The following CUL3 variants were observed in gnomAD, a reference collection of about 807,000 sequenced individuals.
The protein encoded by CUL3 is cullin-3.
In CUL3, 19 loss-of-function variants were observed where a neutral mutation model predicts 89.1. The ratio of observed to expected loss-of-function variants is 0.21; its 90% CI spans 0.15 to 0.31. The LOEUF (loss-of-function observed/expected upper bound fraction) is 0.31. CUL3 is among the 10% of genes least tolerant of loss of function. The pLI is 1.00. For synonymous variants in CUL3, 351 were observed against 308.4 expected (o/e 1.14, Z -1.45); for missense variants, 469 against 942.3 (o/e 0.50, Z 6.58).
intron 15 of CUL3, among the ~76,000 whole-genome samples, chr2:224,474,783 C>G (rs1202588998): frequency 6.6e-6 from 1 of 152,196 alleles, no homozygotes; most frequent in Non-Finnish European, 1.5e-5. Flanking sequence ...TCTACCACTA[C>G]TAGCTCTGGG....
At position 224,546,422 on chromosome 2, in the gene CUL3, T is replaced by A. The variant is rs1694301223; in HGVS notation, c.265-10781A>T. The stretch of plus-strand genomic sequence containing the variant: ...TTAAATGGTTGTCAGATTTAGTAAT[T>A]AACTCGAGTAGGGAGAGGTATTACC... On this transcript the variant is annotated intron_variant, in intron 2 of 15. Coordinates refer to ENST00000264414, the MANE Select transcript of CUL3 (RefSeq NM_003590.5). Among the ~76,000 whole-genome samples, 2 of 152,018 alleles carry A rather than the reference T, an allele frequency of 1.3e-5. 1 individual carries two copies. Among genetic ancestry groups the A allele is most frequent in the African/African-American group, 4.8e-5 (2 of 41,386 alleles).
rs1440833244 is a variant in CUL3 at position 224,471,662 on chromosome 2, C to T, written c.*2583G>A. ...CCCATTCCCTTTTTAAGTTCACTGACATAAAGAATCCTTGCAATCACAACC... is the reference window on the plus strand; with the variant it reads ...CCCATTCCCTTTTTAAGTTCACTGATATAAAGAATCCTTGCAATCACAACC... On this transcript the variant is annotated 3_prime_UTR_variant, in exon 16 of 16. Transcript: ENST00000264414. 1 of 216,714 alleles carries T rather than the reference C, an allele frequency of 4.6e-6. No homozygotes were observed. The highest frequency in any genetic ancestry group is 9.3e-6 in the Non-Finnish European group (1 of 107,686). The allele number at this position is 216,714 out of a possible 1,614,324, so 13.4% of individuals were successfully genotyped here.
intron 2 of CUL3, among the ~76,000 whole-genome samples, chr2:224,554,148 C>T (rs1694617968): frequency 6.6e-6 from 1 of 152,070 alleles, no homozygotes; most frequent in African/African-American, 2.4e-5. Flanking sequence ...TTTTCTGCAC[C>T]TGTGCCCAAG....
intron 1 of CUL3, among the ~76,000 whole-genome samples, chr2:224,566,053 G>A (rs921484356): frequency 6.6e-6 from 1 of 152,120 alleles, no homozygotes; most frequent in Non-Finnish European, 1.5e-5. Context: ...GAGCCTTAAA[G>A]GTCCTTATTG....
At chr2:224,570,622 C>CA (rs1214082872) in intron 1 of CUL3, among the ~76,000 whole-genome samples, 1 of 150,508 alleles carries the variant, frequency 6.6e-6, no homozygotes. Flanking sequence ...GGAGTGCTGC[C>CA]AAAAAAAGAG....
intron 13 of CUL3, chr2:224,495,420 A>C (rs1692136365): frequency 6.5e-6 from 1 of 153,736 alleles, no homozygotes; most frequent in Admixed American, 6.5e-5. Context: ...GTCTAAAAAA[A>C]AACAAAACTA....
intron 1 of CUL3, among the ~76,000 whole-genome samples, chr2:224,561,753 T>C (rs1430420350): frequency 6.6e-6 from 1 of 152,168 alleles, no homozygotes; most frequent in Non-Finnish European, 1.5e-5. Context: ...CGGCTAACTT[T>C]TCACAAACAG....
At chr2:224,534,779 G>A (rs1314765150) in intron 3 of CUL3, among the ~76,000 whole-genome samples, 1 of 151,902 alleles carries the variant, frequency 6.6e-6, no homozygotes, top group Non-Finnish European at 1.5e-5. Flanking sequence ...TCAGGAGATA[G>A]AGACCATCCT....
intron 2 of CUL3, among the ~76,000 whole-genome samples, chr2:224,550,365 T>C (rs1184227752): frequency 1.3e-5 from 2 of 152,232 alleles, no homozygotes; most frequent in Non-Finnish European, 2.9e-5. Flanking sequence ...AGATAAGCTG[T>C]GGAATTTTCC....
intron 2 of CUL3, among the ~76,000 whole-genome samples, chr2:224,536,892 G>T (rs961249099): frequency 6.6e-6 from 1 of 152,150 alleles, no homozygotes; most frequent in African/African-American, 2.4e-5. Flanking sequence ...TTGTCTCCAA[G>T]TTCCTGTAAC....
intron 1 of CUL3, chr2:224,560,407 C>T (rs192261284): frequency 6.6e-6 from 1 of 152,482 alleles, no homozygotes; most frequent in Non-Finnish European, 1.5e-5. Context: ...TCAATGTTTC[C>T]ACTTTAATGC....
chr2:224,472,214 T>C lies in CUL3; in HGVS notation c.*2031A>G, dbSNP rs1042791188. The C allele has an allele frequency of 9.0e-6, 2 of 222,978 alleles. No homozygotes were observed. Among genetic ancestry groups the C allele is most frequent in the African/African-American group, 2.2e-5 (1 of 44,794 alleles). 13.8% of individuals were successfully genotyped at this position (222,978 alleles called of 1,614,324 possible). On this transcript the variant is annotated 3_prime_UTR_variant, in exon 16 of 16. Coordinates refer to ENST00000264414, the MANE Select transcript of CUL3 (RefSeq NM_003590.5). ...AGTTAACAAGTATGTCTCTAAACTC[T>C]AGATCTGATTTTTACAGCCACACTT...
intron 2 of CUL3, among the ~76,000 whole-genome samples, chr2:224,551,459 C>A (rs1482993413): frequency 1.3e-5 from 2 of 152,020 alleles, no homozygotes; most frequent in African/African-American, 4.8e-5. Flanking sequence ...CCCACCTGGG[C>A]CTCCCAAAGT....
chr2:224,573,019 C>T (rs1010286111), intron 1 of CUL3, among the ~76,000 whole-genome samples: 4 of 152,204 alleles, frequency 2.6e-5, no homozygotes, highest in African/African-American at 9.6e-5. Context: ...AATTAAAATA[C>T]TAACACAAGA....
chr2:224,547,309 T>C (rs1015398856), intron 2 of CUL3, among the ~76,000 whole-genome samples: 7 of 152,176 alleles, frequency 4.6e-5, no homozygotes, highest in African/African-American at 1.7e-4. Flanking sequence ...GATGCTTTTG[T>C]TCATCCTTAT....
At position 224,481,955 on chromosome 2, in the gene CUL3, C is replaced by A. The variant is rs746745736; in HGVS notation, c.1966G>T (p.Gly656Cys). The A allele has an allele frequency of 1.2e-6, 2 of 1,604,916 alleles. No homozygotes were observed. The highest frequency in any genetic ancestry group is 1.1e-5 in the South Asian group (1 of 88,292). Reference sequence around the variant, plus strand: ...TGATCATTAACTGTAAATATATGACCATTTTCTATTTCCTTTGATTTGGGT... The same window carrying A: ...TGATCATTAACTGTAAATATATGACAATTTTCTATTTCCTTTGATTTGGGT... ...KEPKSKEIEN[G>C]HIFTVNDQFT... Residue 656 changes from glycine (G) to cysteine (C), a missense_variant, in exon 14 of 16, where the codon GGT becomes TGT. By Grantham distance (159) the Gly-to-Cys change is radical. Transcript: ENST00000264414.
chr2:224,473,928 T>G lies in CUL3; in HGVS notation c.*317A>C. The G allele has an allele frequency of 4.2e-6, 1 of 238,638 alleles. No homozygotes were observed. Among genetic ancestry groups the G allele is most frequent in the Admixed American group, 5.3e-5 (1 of 18,778 alleles). 14.8% of individuals were successfully genotyped at this position (238,638 alleles called of 1,614,324 possible). Reference sequence around the variant, plus strand: ...GGGAAATGAAATCCAACAATTTTATTGTAATGAGCTGTATTTTCTAAATTT... The same window carrying G: ...GGGAAATGAAATCCAACAATTTTATGGTAATGAGCTGTATTTTCTAAATTT... On this transcript the variant is annotated 3_prime_UTR_variant, in exon 16 of 16. Transcript: ENST00000264414.
chr2:224,560,663 C>T (rs1694874361), intron 1 of CUL3: 1 of 152,572 alleles, frequency 6.6e-6, no homozygotes, highest in Non-Finnish European at 1.5e-5. Context: ...ACTTCCACTG[C>T]TACTATCCTG....
chr2:224,577,326 TAG>T (rs1695324595), intron 1 of CUL3, among the ~76,000 whole-genome samples: 1 of 151,986 alleles, frequency 6.6e-6, no homozygotes, highest in Non-Finnish European at 1.5e-5. Flanking sequence ...CCCAGCACTG[TAG>T]GAGGATGAGG....
Sources: allele counts gnomAD v4.1 joint callset (sites outside exome capture counted in the v4.1 genomes callset), GRCh38; gene constraint gnomAD v4.1.1; transcripts MANE v1.5; gene names NCBI Gene and HGNC (gene_info 2026-07-23, HGNC 2026-07-21).